Variants in MAN2A2 observed in about 807,000 individuals in gnomAD.
MAN2A2 encodes mannosidase alpha class 2A member 2.
In MAN2A2, 79 loss-of-function variants were observed where a neutral mutation model predicts 126.8. The ratio of observed to expected loss-of-function variants is 0.62; its 90% confidence interval spans 0.52 to 0.75. The LOEUF (loss-of-function observed/expected upper bound fraction) is 0.75, where lower values mean the gene tolerates loss of function less well. Ranked by LOEUF, MAN2A2 falls within the 30% of genes least tolerant of loss-of-function variation. The pLI is 0.00. For synonymous variants in MAN2A2, 671 were observed against 618.7 expected, an observed-to-expected ratio of 1.08 and a Z score of -1.25; for missense variants, 1,392 against 1,522.4, an observed-to-expected ratio of 0.91 and a Z score of 1.43.
Position 90,903,407 on chromosome 15 carries a change from T to A in MAN2A2, c.-44T>A, listed in dbSNP as rs2033996481. 1 of 152,688 alleles carries A rather than the reference T, an allele frequency of 6.5e-6. No homozygotes were observed. The highest frequency in any genetic ancestry group is 2.1e-4 in the South Asian group (1 of 4,850). The allele number at this position is 152,688 out of a possible 1,614,324, so 9.5% of individuals were successfully genotyped here. On this transcript the variant is annotated 5_prime_UTR_variant, in exon 1 of 23. Coordinates refer to ENST00000559717, the MANE Select transcript of MAN2A2 (RefSeq NM_006122.4). ...GTCCCGCCCACGCTCGGCTCCGCAG[T>A]TAGCGTCCTCCTTCCTCCTGAGCAG... is the stretch of plus-strand genomic sequence containing the variant.
At chr15:90,906,960 T>TG in intron 7 of MAN2A2, 47 bp downstream of exon 7, 1 of 1,599,162 alleles carries the variant, frequency 6.3e-7, no homozygotes, top group Non-Finnish European at 8.5e-7. Flanking sequence ...TAGTCTTCAC[T>TG]GGGGAACAGC....
At chr15:90,918,809 A>G (rs2035385353) in intron 22 of MAN2A2, 54 bp downstream of exon 22, 1 of 1,292,258 alleles carries the variant, frequency 7.7e-7, no homozygotes, top group Non-Finnish European at 1.1e-6. Context: ...GAGCTTGGTA[A>G]GACTGGGCTG....
In MAN2A2 at chr15:90,904,073, G is replaced by A. The variant is rs565876393; in HGVS notation, c.-18-117G>A. The A allele has an allele frequency of 1.2e-3, 1,407 of 1,161,546 alleles. 1 individual carries two copies. The highest frequency in any genetic ancestry group is 2.3e-3 in the Admixed American group (136 of 58,342). The allele number at this position is 1,161,546 out of a possible 1,614,324, so 72.0% of individuals were successfully genotyped here. A position where few individuals can be genotyped will look rare whatever the true frequency, so the allele number is the denominator to read the frequency against. On this transcript the variant is annotated intron_variant, in intron 1 of 22. Transcript: ENST00000559717. ...AGATGTGCTGCTTGTGCTACTTGGA[G>A]CCAGGCAAATGGGTGTTCCTTTGGA...
Position 90,907,509 on chromosome 15 carries a change from GC to G in MAN2A2, c.1196+17del. On this transcript the variant is annotated intron_variant, in intron 8 of 22. Coordinates refer to ENST00000559717, the MANE Select transcript of MAN2A2 (RefSeq NM_006122.4). ...CGTGGCAGAGAGGTATCTGCTTCCAGCCCTTTCACTTCACAGAGGAATCGGG... is the reference window on the plus strand; with the variant it reads ...CGTGGCAGAGAGGTATCTGCTTCCAGCCTTTCACTTCACAGAGGAATCGGG... 1 of 1,604,400 alleles carries G rather than the reference GC, an allele frequency of 6.2e-7. No individual in the cohort carries two copies.
At position 90,920,340 on chromosome 15, in the gene MAN2A2, A is replaced by C. The variant is rs1567137158; in HGVS notation, c.*553A>C. On this transcript the variant is annotated 3_prime_UTR_variant, in exon 23 of 23. Transcript: ENST00000559717. ...AGTAGAAGGAATCACTGTTTCTCCT[A>C]GGAGTCTGAAGGCCTCGCTGCTTTC... is the stretch of plus-strand genomic sequence containing the variant. 6.5e-6 allele frequency: 1 copy of C among 153,026 alleles called. No homozygotes were observed. The highest frequency in any genetic ancestry group is 2.4e-5 in the African/African-American group (1 of 41,472). 9.5% of individuals were successfully genotyped at this position (153,026 alleles called of 1,614,324 possible). A position where few individuals can be genotyped will look rare whatever the true frequency, so the allele number is the denominator to read the frequency against.
At position 90,910,854 on chromosome 15, in the gene MAN2A2, C is replaced by T. The variant is rs748000992; in HGVS notation, c.1768C>T (p.Arg590Cys). The T allele has an allele frequency of 4.4e-5, 71 of 1,613,696 alleles. 1 individual carries two copies. The South Asian group carries it at 5.3e-4, about 12-fold the overall frequency. Reference protein sequence around the residue: ...VVVDYGVRLLRSLVNLKQVII... With the variant: ...VVVDYGVRLLCSLVNLKQVII... ...CTCCTGCGCCACCCACAGGCTTCTG[C>T]GCTCCCTTGTCAACCTGAAGCAGGT... Residue 590 changes from arginine to cysteine, a missense_variant, in exon 12 of 23, where the codon CGC becomes TGC. Transcript: ENST00000559717.
chr15:90,917,385 C>T (rs1353153606), intron 20 of MAN2A2, among the ~76,000 whole-genome samples: 1 of 152,178 alleles, frequency 6.6e-6, no homozygotes, highest in Non-Finnish European at 1.5e-5. Context: ...AAGAGCTGAG[C>T]AAGGAGGGAC....
At position 90,907,320 on chromosome 15, in the gene MAN2A2, A is replaced by G; in HGVS notation, c.1021A>G (p.Ser341Gly). 1 of 1,613,818 alleles carries G rather than the reference A, an allele frequency of 6.2e-7. No individual in the cohort carries two copies. Among genetic ancestry groups the G allele is most frequent in the East Asian group, 2.2e-5 (1 of 44,882 alleles). The change falls in exon 8 of 23, where the codon AGC (serine) becomes GGC (glycine). Residue 341 changes from serine to glycine, a missense_variant. Ser to Gly is a moderately conservative substitution (Grantham distance 56). Transcript: ENST00000559717. Reference sequence around the variant, plus strand: ...TGTGTCTCCTGCAGACTCGGACTCCAGCACAGACATCTTCTGTCACATGAT... The same window carrying G: ...TGTGTCTCCTGCAGACTCGGACTCCGGCACAGACATCTTCTGTCACATGAT... ...MWRQTWDSDS[S>G]TDIFCHMMPF...
chr15:90,903,558 G>A (rs1353901278), intron 1 of MAN2A2, 126 bp downstream of exon 1: 1 of 159,008 alleles, frequency 6.3e-6, no homozygotes, highest in Non-Finnish European at 1.4e-5. Flanking sequence ...GCTTCCTAGG[G>A]GTCCCCTAAG....
At chr15:90,902,509 G>C (rs2033920765), upstream of MAN2A2, 1 of 152,196 alleles carries the variant, frequency 6.6e-6, no homozygotes, top group African/African-American at 2.4e-5. Context: ...ACCACTGCCC[G>C]ATCATGCGCT....
intron 2 of MAN2A2, 66 bp from the exon 3 acceptor site, chr15:90,905,185 C>A: frequency 2.6e-6 from 4 of 1,567,054 alleles, no homozygotes; most frequent in African/African-American, 1.3e-5. Context: ...AGCTGGTAGA[C>A]CCCAAGCAGA....
chr15:90,916,539 C>T (rs746944045), intron 20 of MAN2A2: 36 of 1,412,498 alleles, frequency 2.5e-5, no homozygotes, highest in Non-Finnish European at 2.8e-6. Context: ...ATTCTCTAAG[C>T]CTGTGCTCCA....
At chr15:90,916,611 C>T in intron 20 of MAN2A2, 2 of 1,319,122 alleles carry the variant, frequency 1.5e-6, no homozygotes, top group Non-Finnish European at 2.0e-6. Context: ...AAACTGGCAG[C>T]CATGTTTAGG....
At chr15:90,915,780 T>G (rs2035121682) in intron 19 of MAN2A2, among the ~76,000 whole-genome samples, 1 of 152,268 alleles carries the variant, frequency 6.6e-6, no homozygotes, top group African/African-American at 2.4e-5. Context: ...TTTTCATTTC[T>G]GGTTTATTTT....
At chr15:90,916,017 C>T (rs1473088805) in intron 19 of MAN2A2, 106 bp from the exon 20 acceptor site, 19 of 1,325,592 alleles carry the variant, frequency 1.4e-5, no homozygotes, top group Non-Finnish European at 1.8e-5. Flanking sequence ...TTCTGTCTCT[C>T]GAGCTGCGCT....
intron 8 of MAN2A2, among the ~76,000 whole-genome samples, chr15:90,907,756 C>G (rs550072252): frequency 2.0e-5 from 3 of 152,196 alleles, no homozygotes; most frequent in Non-Finnish European, 4.4e-5. Context: ...GTGAAGGATT[C>G]CCAGGTTAGA....
Position 90,907,116 on chromosome 15 carries a change from C to T in MAN2A2, c.1010-193C>T, listed in dbSNP as rs992794219. The stretch of plus-strand genomic sequence containing the variant: ...ACAGGGCCTGCTGTCCCAAGGGCTT[C>T]AGCGTGCCCTGTGTGCCCGTCCCCT... On this transcript the variant is annotated intron_variant, in intron 7 of 22. Transcript: ENST00000559717. 1.3e-5 allele frequency: 11 copies of T among 836,058 alleles called. No homozygotes were observed. In the African/African-American group the frequency reaches 1.4e-4, roughly 10 times the overall value. The allele number at this position is 836,058 out of a possible 1,614,324, so 51.8% of individuals were successfully genotyped here.
upstream of MAN2A2, chr15:90,902,793 C>CT (rs1567111925): frequency 2.1e-5 from 3 of 145,834 alleles, no homozygotes; most frequent in Admixed American, 6.8e-5. Context: ...CGCAGCGGAG[C>CT]GCGCCGGCGG....
intron 22 of MAN2A2, among the ~76,000 whole-genome samples, chr15:90,919,015 C>A (rs1331267140): frequency 6.6e-6 from 1 of 152,182 alleles, no homozygotes; most frequent in Non-Finnish European, 1.5e-5. Flanking sequence ...AAATAGAAAA[C>A]CAGAACCCAT....
Sources: gnomAD v4.1 joint callset for allele counts (sites outside exome capture counted in the v4.1 genomes callset) on GRCh38, gnomAD v4.1.1 for gene constraint, MANE v1.5 for transcripts, NCBI Gene and HGNC (gene_info 2026-07-23, HGNC 2026-07-21) for gene names.